Variants in CDC16 observed in about 807,000 individuals in gnomAD.
CDC16 encodes cell division cycle 16, also known as cell division cycle protein 16 homolog.
In CDC16, 34 loss-of-function variants were observed where a neutral mutation model predicts 87.0. That is an observed-to-expected ratio of 0.39 (90% CI 0.30 to 0.52). CDC16 has a LOEUF of 0.52. Ranked by LOEUF, CDC16 falls within the 20% of genes least tolerant of loss-of-function variation. The pLI is 0.74. For synonymous variants in CDC16, 263 were observed against 260.6 expected, an observed-to-expected ratio of 1.01 and a Z score of -0.09; for missense variants, 653 against 751.9, an observed-to-expected ratio of 0.87 and a Z score of 1.54.
chr13:114,258,006 C>G, intron 13 of CDC16, among the ~76,000 whole-genome samples: 1 of 152,088 alleles, frequency 6.6e-6, no homozygotes, highest in East Asian at 1.9e-4. Context: ...AGGCTGGTCT[C>G]GAACTCCTGA....
At position 114,234,990 on chromosome 13, in the gene CDC16, T is replaced by TGGCC; in HGVS notation, c.-94_-93insGCCG. 3.9e-6 allele frequency: 4 copies of TGGCC among 1,031,220 alleles called. No homozygotes were observed. The highest frequency in any genetic ancestry group is 2.5e-6 in the Non-Finnish European group (2 of 804,354). 63.9% of individuals were successfully genotyped at this position (1,031,220 alleles called of 1,614,324 possible). On this transcript the variant is annotated 5_prime_UTR_variant, in exon 1 of 18. Transcript: ENST00000356221. ...CGAGTCCTGGGGCGGCGGCGGCGGC[T>TGGCC]GCAGGCACGGGCACGGGCACGGGGC...
intron 11 of CDC16, among the ~76,000 whole-genome samples, chr13:114,250,102 T>C (rs7324079): frequency 0.4 from 60,808 of 152,024 alleles, 14,817 homozygotes; most frequent in African/African-American, 0.7. Flanking sequence ...GCAGAAGGAT[T>C]ACTTGAGCCC....
At chr13:114,257,524 C>T (rs1245789237) in intron 13 of CDC16, among the ~76,000 whole-genome samples, 1 of 152,032 alleles carries the variant, frequency 6.6e-6, no homozygotes, top group Non-Finnish European at 1.5e-5. Context: ...CTGTGGAATC[C>T]TTAGTTATCT....
At chr13:114,248,962 C>T (rs900884814) in intron 11 of CDC16, among the ~76,000 whole-genome samples, 3 of 151,724 alleles carry the variant, frequency 2.0e-5, no homozygotes, top group African/African-American at 7.3e-5. Context: ...TTGTAGAAGC[C>T]CCCCCTCCCA....
intron 15 of CDC16, 72 bp from the exon 16 acceptor site, chr13:114,262,807 G>A: frequency 6.7e-7 from 1 of 1,497,654 alleles, no homozygotes; most frequent in Non-Finnish European, 9.3e-7. Flanking sequence ...GTGTTGATAT[G>A]GATGGTTGCT....
At chr13:114,261,352 G>C (rs899564339) in intron 14 of CDC16, among the ~76,000 whole-genome samples, 3 of 152,060 alleles carry the variant, frequency 2.0e-5, no homozygotes, top group Non-Finnish European at 2.9e-5. Flanking sequence ...ATTTGACTCT[G>C]TTAATGAGGA....
rs372992702 is a variant in CDC16, at chr13:114,272,240, A to G, written c.1660A>G (p.Thr554Ala). Residue 554 changes from threonine to alanine, a missense_variant, in exon 18 of 18, where the codon ACA becomes GCA. Coordinates refer to ENST00000356221, the MANE Select transcript of CDC16 (RefSeq NM_001078645.3). Reference protein sequence around the residue: ...CYDFDVHTMKTLKNIISPPWD... With the variant: ...CYDFDVHTMKALKNIISPPWD... ...TGACTTTGATGTGCATACAATGAAG[A>G]CACTAAAAAACATTATTTCACCTCC... The G allele has an allele frequency of 6.2e-7, 1 of 1,606,772 alleles. No homozygotes were observed.
intron 12 of CDC16, among the ~76,000 whole-genome samples, chr13:114,254,073 T>C (rs976851334): frequency 6.6e-6 from 1 of 152,210 alleles, no homozygotes; most frequent in African/African-American, 2.4e-5. Context: ...ATAATACTTT[T>C]TTTTATAAAG....
chr13:114,259,279 A>G (rs567214557), intron 13 of CDC16, 56 bp from the exon 14 acceptor site: 3 of 1,318,052 alleles, frequency 2.3e-6, no homozygotes, highest in South Asian at 1.4e-5. Flanking sequence ...AAATTTTTTT[A>G]AAGTTTATAT....
In CDC16 at chr13:114,272,530, C is replaced by T; in HGVS notation, c.*87C>T. On this transcript the variant is annotated 3_prime_UTR_variant, in exon 18 of 18. Coordinates refer to ENST00000356221, the MANE Select transcript of CDC16 (RefSeq NM_001078645.3). ...CCATGGCTTAAGAATGTCCCACTTCCTAACGTGACTCCAAACTGCATCTCT... is the reference window on the plus strand; with the variant it reads ...CCATGGCTTAAGAATGTCCCACTTCTTAACGTGACTCCAAACTGCATCTCT... 1 of 1,162,836 alleles carries T rather than the reference C, an allele frequency of 8.6e-7. No homozygotes were observed. The highest frequency in any genetic ancestry group is 1.2e-6 in the Non-Finnish European group (1 of 818,788). The allele number at this position is 1,162,836 out of a possible 1,614,324, so 72.0% of individuals were successfully genotyped here.
intron 12 of CDC16, among the ~76,000 whole-genome samples, chr13:114,251,006 C>A (rs1269582833): frequency 6.6e-6 from 1 of 152,094 alleles, no homozygotes; most frequent in East Asian, 1.9e-4. Context: ...TATCTATTAC[C>A]AAAAGGTATT....
At chr13:114,255,772 G>A (rs925319558) in intron 12 of CDC16, among the ~76,000 whole-genome samples, 4 of 151,980 alleles carry the variant, frequency 2.6e-5, no homozygotes, top group Admixed American at 6.6e-5. Flanking sequence ...CCTCTCAAGT[G>A]TCTGGGACTA....
At chr13:114,247,217 G>T (rs2039091) in intron 11 of CDC16, 144,494 of 544,872 alleles carry the variant, frequency 0.27, 22,438 homozygotes, top group African/African-American at 0.56. Context: ...TCACTCTGTT[G>T]CCCAGACTAG....
intron 8 of CDC16, chr13:114,244,504 C>G (rs1163933048): frequency 1.8e-5 from 3 of 166,652 alleles, no homozygotes; most frequent in African/African-American, 7.1e-5. Context: ...TAGTTTGGTG[C>G]AAAAGTAATT....
chr13:114,244,064 T>G, intron 8 of CDC16, 75 bp downstream of exon 8: 1 of 1,007,566 alleles, frequency 9.9e-7, no homozygotes, highest in Non-Finnish European at 1.5e-6. Flanking sequence ...ACGGACGTGC[T>G]CTCTGAATAA....
In CDC16 at chr13:114,236,821, G is replaced by A. The variant is rs1410381679; in HGVS notation, c.126G>A (p.Trp42Ter). The change falls in exon 3 of 18, where the codon TGG becomes TGA. Residue 42 changes from tryptophan (W) to a stop codon, truncating the protein, a stop_gained. Coordinates refer to ENST00000356221, the MANE Select transcript of CDC16 (RefSeq NM_001078645.3). LOFTEE classifies it high-confidence loss of function. ...LSREEPQDIY[W>*]LAQCLYLTAQ... ...CAGAAGAACCCCAGGACATCTATTG[G>A]TTGGCTCAGTGTCTTTACCTGACAG... is the stretch of plus-strand genomic sequence containing the variant. 1 of 1,613,264 alleles carries A rather than the reference G, an allele frequency of 6.2e-7. No homozygotes were observed. The highest frequency in any genetic ancestry group is 1.1e-5 in the South Asian group (1 of 90,960).
At chr13:114,259,806 G>C (rs1239817459) in intron 14 of CDC16, among the ~76,000 whole-genome samples, 1 of 152,196 alleles carries the variant, frequency 6.6e-6, no homozygotes, top group Non-Finnish European at 1.5e-5. Context: ...ACTTCTGAAA[G>C]GATAGGGATG....
At chr13:114,266,258 T>C (rs1185789392) in intron 17 of CDC16, among the ~76,000 whole-genome samples, 1 of 152,174 alleles carries the variant, frequency 6.6e-6, no homozygotes, top group Non-Finnish European at 1.5e-5. Flanking sequence ...AACAGAGGTT[T>C]CTCCTAAAAC....
intron 5 of CDC16, among the ~76,000 whole-genome samples, chr13:114,241,892 T>G (rs1041236198): frequency 6.6e-6 from 1 of 152,030 alleles, no homozygotes; most frequent in Non-Finnish European, 1.5e-5. Flanking sequence ...GTACAAAAAA[T>G]TTAAAAAATT....
Sources: gnomAD v4.1 joint callset for allele counts (sites outside exome capture counted in the v4.1 genomes callset) on GRCh38, gnomAD v4.1.1 for gene constraint, MANE v1.5 for transcripts, NCBI Gene and HGNC (gene_info 2026-07-23, HGNC 2026-07-21) for gene names.